ANKS1B: variants seen among roughly 807,000 people sequenced by gnomAD.
ANKS1B encodes ankyrin repeat and sterile alpha motif domain containing 1B, also known as ankyrin repeat and sterile alpha motif domain-containing protein 1B.
In ANKS1B, 36 loss-of-function variants were observed where a neutral mutation model predicts 148.3. The ratio of observed to expected loss-of-function variants is 0.24; its 90% CI spans 0.19 to 0.32. The LOEUF (loss-of-function observed/expected upper bound fraction) is 0.32. ANKS1B is among the 10% of genes least tolerant of loss of function. The pLI is 1.00. For missense variants in ANKS1B, 1,157 were observed against 1,542.6 expected (o/e 0.75, Z 4.19); for synonymous variants, 542 against 560.8 (o/e 0.97, Z 0.47).
chr12:99,894,312 G>GGAGA (rs2093281579), intron 1 of ANKS1B, among the ~76,000 whole-genome samples: 1 of 79,502 alleles, frequency 1.3e-5, no homozygotes, highest in Non-Finnish European at 2.9e-5. Context: ...AGGGAGGGAG[G>GGAGA]GAGGGAGGGA....
chr12:99,518,501 A>G (rs1258421260), intron 9 of ANKS1B, among the ~76,000 whole-genome samples: 2 of 152,080 alleles, frequency 1.3e-5, no homozygotes, highest in East Asian at 1.9e-4. Flanking sequence ...ATCGGCCTAT[A>G]GTTACTCATA....
At chr12:99,983,896 G>T (rs2153869562) in intron 1 of ANKS1B, among the ~76,000 whole-genome samples, 1 of 152,284 alleles carries the variant, frequency 6.6e-6, no homozygotes, top group African/African-American at 2.4e-5. Flanking sequence ...ATTGATGGAA[G>T]GCTATTTTAA....
At chr12:99,471,711 G>T (rs957081761) in intron 10 of ANKS1B, among the ~76,000 whole-genome samples, 1 of 151,532 alleles carries the variant, frequency 6.6e-6, no homozygotes, top group African/African-American at 2.4e-5. Flanking sequence ...TTTACTCTTT[G>T]GTCTGCTACT....
intron 17 of ANKS1B, among the ~76,000 whole-genome samples, chr12:98,946,938 T>TAA (rs1567946212): frequency 3.1e-5 from 1 of 32,066 alleles, no homozygotes; most frequent in African/African-American, 1.1e-4. Flanking sequence ...AGATCTTTTC[T>TAA]CAAAAAAAAA....
At chr12:98,774,949 A>G (rs764174729) in intron 24 of ANKS1B, among the ~76,000 whole-genome samples, 7 of 152,240 alleles carry the variant, frequency 4.6e-5, no homozygotes. Context: ...CTAGAAGGTG[A>G]TGATCCTCTT....
chr12:99,530,257 C>T (rs2096974496), intron 9 of ANKS1B, among the ~76,000 whole-genome samples: 1 of 152,208 alleles, frequency 6.6e-6, no homozygotes, highest in South Asian at 2.1e-4. Flanking sequence ...AGGCCCTTGG[C>T]AGTGTAGGCT....
At chr12:98,818,133 C>G (rs1041136850) in intron 19 of ANKS1B, among the ~76,000 whole-genome samples, 1 of 147,574 alleles carries the variant, frequency 6.8e-6, no homozygotes, top group African/African-American at 2.5e-5. Context: ...CCATTCCTCT[C>G]CAGTTCCCTC....
chr12:98,876,972 T>C (rs75714579), intron 17 of ANKS1B, among the ~76,000 whole-genome samples: 1,738 of 152,322 alleles, frequency 0.011, 31 homozygotes, highest in African/African-American at 0.04. Context: ...AGAGTAATTG[T>C]ATAATAAAGA....
In ANKS1B at chr12:98,810,166, A is replaced by G. The variant is rs995916246; in HGVS notation, c.3067-2248T>C. ...CCAGCCATAACTACAGCTGGACAAG[A>G]GATTGATTCAGTAACTTTATCCAAA... On this transcript the variant is annotated intron_variant, in intron 19 of 26. Coordinates refer to ENST00000683438, the MANE Select transcript of ANKS1B (RefSeq NM_001352186.2). Among the ~76,000 whole-genome samples, 7 of 152,322 alleles carry G rather than the reference A, an allele frequency of 4.6e-5. No individual in the cohort carries two copies. In the East Asian group the frequency reaches 1.3e-3, roughly 29 times the overall value.
intron 8 of ANKS1B, among the ~76,000 whole-genome samples, chr12:99,677,049 C>T (rs904342533): frequency 6.6e-6 from 1 of 152,202 alleles, no homozygotes; most frequent in Non-Finnish European, 1.5e-5. Flanking sequence ...TTCATGTATT[C>T]AGATTAATAA....
Position 99,921,427 on chromosome 12 carries a change from AC to A in ANKS1B, c.134+62676del, listed in dbSNP as rs559846296. Among the ~76,000 whole-genome samples, 145 of 152,232 alleles carry A rather than the reference AC, an allele frequency of 9.5e-4. 1 individual carries two copies. The highest frequency in any genetic ancestry group is 3.3e-3 in the African/African-American group (138 of 41,548). On this transcript the variant is annotated intron_variant, in intron 1 of 26. Transcript: ENST00000683438. ...ATTAAACGTCTTCCTTTTATAAATT[AC>A]CCAGTCTCAGGGAAGTTATTTACAG...
chr12:99,057,318 A>G (rs1006337545), intron 16 of ANKS1B, among the ~76,000 whole-genome samples: 5 of 152,234 alleles, frequency 3.3e-5, no homozygotes, highest in South Asian at 2.1e-4. Flanking sequence ...TAGCTATTCA[A>G]TTATAACTCT....
intron 15 of ANKS1B, among the ~76,000 whole-genome samples, chr12:99,133,537 C>G (rs1484563173): frequency 2.0e-5 from 3 of 152,178 alleles, no homozygotes; most frequent in Non-Finnish European, 4.4e-5. Flanking sequence ...GGCATCATAA[C>G]TTCTCATTTC....
chr12:98,799,497 C>T (rs1192572715), intron 21 of ANKS1B, among the ~76,000 whole-genome samples: 1 of 130,670 alleles, frequency 7.7e-6, no homozygotes, highest in Non-Finnish European at 1.5e-5. Flanking sequence ...CAGCTGTGTG[C>T]CCTATGGTTG....
At chr12:98,753,524 T>A (rs2098148859) in intron 25 of ANKS1B, among the ~76,000 whole-genome samples, 1 of 151,980 alleles carries the variant, frequency 6.6e-6, no homozygotes, top group Non-Finnish European at 1.5e-5. Context: ...ACCTCTTGGG[T>A]TCAAGTAATT....
At chr12:99,387,848 C>G (rs2093930766) in intron 12 of ANKS1B, among the ~76,000 whole-genome samples, 1 of 122,596 alleles carries the variant, frequency 8.2e-6, no homozygotes, top group Admixed American at 7.8e-5. Flanking sequence ...TTGTCTTTAG[C>G]CACAGTTCAT....
At chr12:99,630,634 C>G (rs1176435453) in intron 9 of ANKS1B, among the ~76,000 whole-genome samples, 1 of 152,144 alleles carries the variant, frequency 6.6e-6, no homozygotes, top group Admixed American at 6.6e-5. Context: ...TCTTAAAACA[C>G]ATCTAAGGGA....
At chr12:98,946,467 T>C (rs1314597820) in intron 17 of ANKS1B, among the ~76,000 whole-genome samples, 1 of 152,216 alleles carries the variant, frequency 6.6e-6, no homozygotes, top group Non-Finnish European at 1.5e-5. Context: ...TTAAGCAATG[T>C]GGATTAAAAG....
At chr12:99,108,662 A>C (rs2059701262) in intron 15 of ANKS1B, among the ~76,000 whole-genome samples, 1 of 152,210 alleles carries the variant, frequency 6.6e-6, no homozygotes, top group Admixed American at 6.5e-5. Context: ...TGAGCTAAAA[A>C]GAGAACAGAT....
Sources: gnomAD v4.1 joint callset for allele counts (sites outside exome capture counted in the v4.1 genomes callset) on GRCh38, gnomAD v4.1.1 for gene constraint, MANE v1.5 for transcripts, NCBI Gene and HGNC (gene_info 2026-07-23, HGNC 2026-07-21) for gene names.